AHR: variants seen among roughly 807,000 people sequenced by gnomAD.
AHR encodes the protein aryl hydrocarbon receptor, also known as AH-receptor.
In AHR, 40 loss-of-function variants were observed where a neutral mutation model predicts 86.8. That is an observed-to-expected ratio of 0.46 (90% CI 0.36 to 0.60). AHR has a LOEUF of 0.60. AHR is among the 20% of genes least tolerant of loss of function. The pLI is 0.00. For missense variants in AHR, 1,001 were observed against 1,011.6 expected (o/e 0.99, Z 0.14); for synonymous variants, 398 against 354.9 (o/e 1.12, Z -1.37).
In AHR at chr7:17,345,849, T is replaced by C. The variant is rs1367475361; in HGVS notation, c.*2785T>C. On this transcript the variant is annotated 3_prime_UTR_variant, in exon 11 of 11. Transcript: ENST00000242057. ...CTACATTGTGGGATTTATTTCTAGA[T>C]GATGTGCACATCTAAGGATATGGAT... 3 of 152,376 alleles carry C rather than the reference T, an allele frequency of 2.0e-5. No individual in the cohort carries two copies. Among genetic ancestry groups the C allele is most frequent in the Middle Eastern group, 6.8e-3 (2 of 294 alleles). 9.4% of individuals were successfully genotyped at this position (152,376 alleles called of 1,614,324 possible). A position where few individuals can be genotyped will look rare whatever the true frequency, so the allele number is the denominator to read the frequency against.
At chr7:17,303,517 G>A (rs146330842) in intron 1 of AHR, among the ~76,000 whole-genome samples, 12 of 151,862 alleles carry the variant, frequency 7.9e-5, no homozygotes, top group East Asian at 1.9e-4. Context: ...GTGTTTTTAC[G>A]TCCTTTCCTC....
At position 17,322,569 on chromosome 7, in the gene AHR, G is replaced by C; in HGVS notation, c.322G>C (p.Glu108Gln). 1 of 1,612,696 alleles carries C rather than the reference G, an allele frequency of 6.2e-7. No individual in the cohort carries two copies. The highest frequency in any genetic ancestry group is 8.5e-7 in the Non-Finnish European group (1 of 1,178,998). ...TAACTGTAGAGCAGCAAATTTCAGA[G>C]AAGGCCTGAACTTACAAGAAGGAGA... ...QDNCRAANFR[E>Q]GLNLQEGEFL... The change falls in exon 3 of 11, where the codon GAA (glutamate) becomes CAA (glutamine). Residue 108 changes from glutamate to glutamine, a missense_variant. This residue lies in a region of AHR where 394 missense variants were observed against 468.5 expected (regional missense o/e 0.84). Transcript: ENST00000242057.
chr7:17,331,206 T>C (rs145264795), intron 6 of AHR, among the ~76,000 whole-genome samples: 4 of 152,080 alleles, frequency 2.6e-5, no homozygotes, highest in African/African-American at 7.2e-5. Flanking sequence ...ACTGTTAGGC[T>C]TTCCGTTAGC....
intron 4 of AHR, 40 bp from the exon 5 acceptor site, chr7:17,329,912 T>C (rs774248892): frequency 6.4e-7 from 1 of 1,555,494 alleles, no homozygotes; most frequent in South Asian, 1.2e-5. Context: ...TATTTTTTAA[T>C]CAGTCCTTTT....
intron 2 of AHR, among the ~76,000 whole-genome samples, chr7:17,311,670 G>A (rs1034331348): frequency 6.6e-6 from 1 of 152,152 alleles, no homozygotes; most frequent in Admixed American, 6.5e-5. Flanking sequence ...AAGTTTCATA[G>A]TACACAAATT....
chr7:17,330,781 A>G lies in AHR; in HGVS notation c.600A>G (p.Val200=). Residue 200 remains valine, a synonymous_variant, in exon 6 of 11, where the codon GTA becomes GTG. Coordinates refer to ENST00000242057, the MANE Select transcript of AHR (RefSeq NM_001621.5). ...IEEATGLPQT[V]VCYNPDQIPP... is the part of the protein sequence containing the mutation. ...AAGCCACTGGTCTCCCCCAGACAGT[A>G]GTCTGTTATAACCCAGACCAGATTC... The G allele has an allele frequency of 6.2e-7, 1 of 1,611,154 alleles. No homozygotes were observed. Among genetic ancestry groups the G allele is most frequent in the Non-Finnish European group, 8.5e-7 (1 of 1,178,038 alleles).
At chr7:17,336,288 A>T (rs1408277241) in intron 9 of AHR, among the ~76,000 whole-genome samples, 1 of 152,058 alleles carries the variant, frequency 6.6e-6, no homozygotes, top group Non-Finnish European at 1.5e-5. Flanking sequence ...CATTGAAAAG[A>T]TGATTTACCG....
At position 17,322,526 on chromosome 7, in the gene AHR, A is replaced by G. The variant is rs1187494036; in HGVS notation, c.279A>G (p.Glu93=). Residue 93 remains glutamate (E), a synonymous_variant, in exon 3 of 11, where the codon GAA becomes GAG. Transcript: ENST00000242057. The part of the protein sequence containing the change: ...FDVALKSSPT[E]RNGGQDNCRA... ...TTGCATTAAAATCCTCCCCTACTGAAAGAAACGGAGGCCAGGATAACTGTA... is the reference window on the plus strand; with the variant it reads ...TTGCATTAAAATCCTCCCCTACTGAGAGAAACGGAGGCCAGGATAACTGTA... 1.2e-6 allele frequency: 2 copies of G among 1,612,264 alleles called. No homozygotes were observed. Among genetic ancestry groups the G allele is most frequent in the Non-Finnish European group, 1.7e-6 (2 of 1,178,706 alleles).
rs142158496 is a variant in AHR, at chr7:17,333,977, A to T, written c.771A>T (p.Ser257=). The T allele has an allele frequency of 2.7e-4, 443 of 1,613,554 alleles. 1 individual carries two copies. The African/African-American group carries it at 4.9e-3, about 18-fold the overall frequency. ...HGQKKKGKDG[S]ILPPQLALFA... ...AGAAAAAGAAAGGGAAAGATGGATC[A>T]ATACTTCCACCTCAGTTGGCTTTGT... The change falls in exon 7 of 11, where the codon TCA becomes TCT. Residue 257 remains serine (S), a synonymous_variant. Transcript: ENST00000242057.
At position 17,322,497 on chromosome 7, in the gene AHR, A is replaced by G. The variant is rs1211432060; in HGVS notation, c.254-4A>G. On this transcript the variant is annotated splice_region_variant and splice_polypyrimidine_tract_variant and intron_variant, in intron 2 of 10. Coordinates refer to ENST00000242057, the MANE Select transcript of AHR (RefSeq NM_001621.5). The stretch of plus-strand genomic sequence containing the variant: ...AAATCATTGTTTTTCCTTTTTTTCC[A>G]TAGTTGCATTAAAATCCTCCCCTAC... 4.4e-6 allele frequency: 7 copies of G among 1,586,748 alleles called. No individual in the cohort carries two copies. Among genetic ancestry groups the G allele is most frequent in the African/African-American group, 2.7e-5 (2 of 73,712 alleles).
At chr7:17,310,249 A>G in intron 2 of AHR, 126 bp downstream of exon 2, 1 of 898,388 alleles carries the variant, frequency 1.1e-6, no homozygotes, top group Non-Finnish European at 1.6e-6. Flanking sequence ...TGTATAGTAA[A>G]ATTTCAGTGG....
chr7:17,344,737 C>T lies in AHR; in HGVS notation c.*1673C>T, dbSNP rs1327007033. ...CTCTACCTCCTGGGTTCAAGTGATT[C>T]TCTTGCCTCAGCCTCCCGAGTTGCT... On this transcript the variant is annotated 3_prime_UTR_variant, in exon 11 of 11. Transcript: ENST00000242057. 1.3e-5 allele frequency: 2 copies of T among 149,862 alleles called. No homozygotes were observed. The highest frequency in any genetic ancestry group is 2.9e-5 in the Non-Finnish European group (2 of 67,816). 9.3% of individuals were successfully genotyped at this position (149,862 alleles called of 1,614,324 possible).
intron 2 of AHR, among the ~76,000 whole-genome samples, chr7:17,316,510 G>A (rs1584033457): frequency 2.0e-5 from 3 of 152,122 alleles, no homozygotes; most frequent in South Asian, 4.1e-4. Flanking sequence ...CCAGTTATTC[G>A]TGACACTGAG....
At chr7:17,337,303 A>T (rs543302862) in intron 9 of AHR, among the ~76,000 whole-genome samples, 12 of 152,276 alleles carry the variant, frequency 7.9e-5, no homozygotes, top group African/African-American at 2.9e-4. Flanking sequence ...TAATCCTATG[A>T]AGAATACATG....
chr7:17,330,660 A>C (rs775418421), intron 5 of AHR, 96 bp from the exon 6 acceptor site: 18 of 1,123,190 alleles, frequency 1.6e-5, no homozygotes, highest in Non-Finnish European at 2.2e-5. Context: ...CAGAACACAG[A>C]CTCCAGTTTA....
intron 1 of AHR, among the ~76,000 whole-genome samples, chr7:17,303,110 A>G (rs1367821426): frequency 2.0e-5 from 3 of 152,058 alleles, no homozygotes; most frequent in Admixed American, 2.0e-4. Flanking sequence ...TTTAAAATTG[A>G]TATTTTGCTA....
At position 17,313,867 on chromosome 7, in the gene AHR, G is replaced by C. The variant is rs560431546; in HGVS notation, c.253+3744G>C. On this transcript the variant is annotated intron_variant, in intron 2 of 10. Transcript: ENST00000242057. ...TGGTTACAATCTAATCTTTGAAACT[G>C]GTTGATGTGAAGAGAAAGGATTGTT... Among the ~76,000 whole-genome samples, 12 of 152,138 alleles carry C rather than the reference G, an allele frequency of 7.9e-5. No homozygotes were observed. The South Asian group carries it at 2.5e-3, about 32-fold the overall frequency.
chr7:17,342,981 C>T lies in AHR; in HGVS notation c.2464C>T (p.Gln822Ter). 6.2e-7 allele frequency: 1 copy of T among 1,613,258 alleles called. No individual in the cohort carries two copies. The highest frequency in any genetic ancestry group is 8.5e-7 in the Non-Finnish European group (1 of 1,179,276). Residue 822 changes from glutamine (Q) to a stop codon, truncating the protein, a stop_gained, in exon 11 of 11, where the codon CAG becomes TAG. Coordinates refer to ENST00000242057, the MANE Select transcript of AHR (RefSeq NM_001621.5). LOFTEE classifies it high-confidence loss of function. ...PAELNNINNT[Q>*]TTTHLQPLHH... The stretch of plus-strand genomic sequence containing the variant: ...TGAATTAAATAACATAAATAACACT[C>T]AGACTACCACACATCTTCAGCCACT...
intron 10 of AHR, among the ~76,000 whole-genome samples, chr7:17,341,672 TG>T (rs1253728753): frequency 6.6e-6 from 1 of 152,132 alleles, no homozygotes; most frequent in Non-Finnish European, 1.5e-5. Context: ...AGACTTGGCT[TG>T]AAAAAAGAAT....
Sources: allele counts gnomAD v4.1 joint callset (sites outside exome capture counted in the v4.1 genomes callset), GRCh38; gene constraint gnomAD v4.1.1; regional missense constraint gnomAD v4.1.1; transcripts MANE v1.5; gene names NCBI Gene and HGNC (gene_info 2026-07-23, HGNC 2026-07-21).